The following PRSS23 variants were observed in gnomAD, a reference collection of about 807,000 sequenced individuals.
PRSS23 encodes protease, serine 23.
Under a neutral mutation model 34.7 loss-of-function variants are expected in PRSS23, and 25 were observed. The observed-to-expected ratio is 0.72, with a 90% CI of 0.53 to 1.01. The LOEUF is 1.01. Ranked by LOEUF, PRSS23 falls within the 50% of genes least tolerant of loss-of-function variation. The pLI is 0.00. For synonymous variants in PRSS23, 176 were observed against 186.6 expected, an observed-to-expected ratio of 0.94 and a Z score of 0.46; for missense variants, 445 against 475.6, an observed-to-expected ratio of 0.94 and a Z score of 0.60.
intron 2 of PRSS23, chr11:86,940,894 G>A (rs1949203043): frequency 6.6e-6 from 1 of 152,244 alleles, no homozygotes. Context: ...AGTAAGAGAA[G>A]AAGGTTCAGA....
chr11:86,819,658 A>G (rs536977903), intron 1 of PRSS23, among the ~76,000 whole-genome samples: 2 of 152,350 alleles, frequency 1.3e-5, no homozygotes, highest in South Asian at 2.1e-4. Flanking sequence ...TACACTGTGT[A>G]TAGACACTCT....
intron 2 of PRSS23, among the ~76,000 whole-genome samples, chr11:86,851,145 C>T (rs1328827857): frequency 6.6e-6 from 1 of 152,218 alleles, no homozygotes; most frequent in Non-Finnish European, 1.5e-5. Context: ...CACTGAACTT[C>T]ATGGTCTTCC....
chr11:86,903,656 T>G (rs1948925201), intron 2 of PRSS23, among the ~76,000 whole-genome samples: 1 of 152,062 alleles, frequency 6.6e-6, no homozygotes, highest in Non-Finnish European at 1.5e-5. Context: ...CTAATTTTTT[T>G]GTATTTTTAG....
downstream of PRSS23, among the ~76,000 whole-genome samples, chr11:86,815,049 C>T (rs542882639): frequency 3.0e-4 from 45 of 152,300 alleles, no homozygotes; most frequent in African/African-American, 9.9e-4. Flanking sequence ...GCGTCAAGTT[C>T]CAATCCAGTG....
chr11:86,936,734 C>T (rs1949165588), intron 2 of PRSS23: 1 of 151,928 alleles, frequency 6.6e-6, no homozygotes, highest in African/African-American at 2.4e-5. Context: ...ACCCCTGTCT[C>T]TACAAAAAAT....
intron 2 of PRSS23, chr11:86,833,348 T>C (rs1590885221): frequency 1.1e-6 from 1 of 922,726 alleles, no homozygotes; most frequent in Non-Finnish European, 1.8e-6. Flanking sequence ...TCCAGCACCA[T>C]GACTAGGTAC....
intron 1 of PRSS23, among the ~76,000 whole-genome samples, chr11:86,806,898 A>G (rs1948107709): frequency 6.6e-6 from 1 of 152,246 alleles, no homozygotes; most frequent in South Asian, 2.1e-4. Context: ...GATATTGACA[A>G]AGATCCTGGT....
chr11:86,863,301 C>G (rs7102516), intron 2 of PRSS23, among the ~76,000 whole-genome samples: 48,129 of 152,086 alleles, frequency 0.32, 7,874 homozygotes, highest in Non-Finnish European at 0.36. Context: ...TGTACACCCT[C>G]TGATATTATT....
intron 2 of PRSS23, among the ~76,000 whole-genome samples, chr11:86,854,031 C>G (rs1246393022): frequency 6.6e-6 from 1 of 152,024 alleles, no homozygotes; most frequent in African/African-American, 2.4e-5. Context: ...GTCGCAGTCT[C>G]ACTCTGTCGC....
rs560106047 is a variant in PRSS23, at chr11:86,880,486, A to G, written c.206+56893A>G. ...AAAAAGATAAGCCAAAAAAAAATAC[A>G]CTTGACTTTTTTTTAACTTTAAGTT... On this transcript the variant is annotated intron_variant, in intron 2 of 2. Coordinates refer to the PRSS23 transcript ENST00000533902. 2.9e-4 allele frequency among the ~76,000 whole-genome samples: 44 copies of G among 151,984 alleles called. 1 individual carries two copies. The highest frequency in any genetic ancestry group is 1.4e-3 in the Admixed American group (22 of 15,290).
chr11:86,858,144 T>TTA (rs1948585867), intron 2 of PRSS23, among the ~76,000 whole-genome samples: 1 of 152,042 alleles, frequency 6.6e-6, no homozygotes, highest in African/African-American at 2.4e-5. Context: ...TTGTTCCTAA[T>TTA]ATCCAGTGGG....
intron 2 of PRSS23, among the ~76,000 whole-genome samples, chr11:86,922,970 A>T (rs1354979966): frequency 6.6e-6 from 1 of 152,198 alleles, no homozygotes; most frequent in Non-Finnish European, 1.5e-5. Context: ...AATGCAAAAC[A>T]CACAGCAGGT....
chr11:86,928,316 A>C (rs1385600752), intron 2 of PRSS23, among the ~76,000 whole-genome samples: 3 of 148,308 alleles, frequency 2.0e-5, no homozygotes, highest in African/African-American at 7.4e-5. Context: ...ATAAGTATAT[A>C]ATACATATGT....
chr11:86,821,460 C>T (rs1385963829), intron 1 of PRSS23: 12 of 1,601,158 alleles, frequency 7.5e-6, no homozygotes, highest in African/African-American at 1.3e-5. Flanking sequence ...CTGGTATAGG[C>T]TATAGCAGGA....
At chr11:86,887,727 G>A (rs569646096) in intron 2 of PRSS23, among the ~76,000 whole-genome samples, 1 of 152,106 alleles carries the variant, frequency 6.6e-6, no homozygotes, top group Non-Finnish European at 1.5e-5. Context: ...GGGAAGAGAG[G>A]CAGACACACA....
intron 2 of PRSS23, chr11:86,892,224 G>A (rs1948846591): frequency 6.6e-6 from 1 of 152,256 alleles, no homozygotes; most frequent in East Asian, 1.9e-4. Context: ...AGGAAGAGGT[G>A]TCTATCTCTT....
chr11:86,831,951 G>A (rs980894949), intron 2 of PRSS23, among the ~76,000 whole-genome samples: 1 of 151,898 alleles, frequency 6.6e-6, no homozygotes, highest in Non-Finnish European at 1.5e-5. Flanking sequence ...TGTACACCCT[G>A]TGATATTATT....
At chr11:86,885,590 G>A (rs184187831) in intron 2 of PRSS23, among the ~76,000 whole-genome samples, 1 of 152,296 alleles carries the variant, frequency 6.6e-6, no homozygotes, top group East Asian at 1.9e-4. Context: ...GATCTCCCTT[G>A]AGCAAAAAGC....
At position 86,807,760 on chromosome 11, in the gene PRSS23, C is replaced by T. The variant is rs775943407; in HGVS notation, c.117C>T (p.Val39=). Residue 39 remains valine, a synonymous_variant, in exon 2 of 2, where the codon GTC becomes GTT. Transcript: ENST00000280258. ...CTTGGCCTGCATACCGCCTCCCTGTCGTCTTGCCCCAGTCTACCCTCAATT... is the reference window on the plus strand; with the variant it reads ...CTTGGCCTGCATACCGCCTCCCTGTTGTCTTGCCCCAGTCTACCCTCAATT... ...KPTWPAYRLP[V]VLPQSTLNLA... is the part of the protein sequence containing the mutation. 12 of 1,614,132 alleles carry T rather than the reference C, an allele frequency of 7.4e-6. No homozygotes were observed. The Admixed American group carries it at 1.2e-4, about 16-fold the overall frequency.
Sources: gnomAD v4.1 joint callset for allele counts (sites outside exome capture counted in the v4.1 genomes callset) on GRCh38, gnomAD v4.1.1 for gene constraint, MANE v1.5 for transcripts, NCBI Gene and HGNC (gene_info 2026-07-23, HGNC 2026-07-21) for gene names.